Variants in NFU1 observed in about 807,000 individuals in gnomAD.
NFU1 encodes the protein NFU1 iron-sulfur cluster scaffold, also known as NFU1 iron-sulfur cluster scaffold homolog, mitochondrial.
NFU1 carries 30 observed loss-of-function variants against 32.2 expected under a neutral mutation model. The ratio of observed to expected loss-of-function variants is 0.93; its 90% CI spans 0.70 to 1.26. The LOEUF is 1.26. Among genes scored for constraint, NFU1 ranks in the 50% most tolerant of loss-of-function variants. The probability of loss-of-function intolerance (pLI) is 0.00; values close to 1 mark genes in which losing one functional copy is unlikely to be tolerated. For synonymous variants in NFU1, 112 were observed against 104.6 expected (o/e 1.07, Z -0.43); for missense variants, 306 against 306.6 (o/e 1.00, Z 0.02).
chr2:69,429,684 G>A (rs1673575403), intron 2 of NFU1, among the ~76,000 whole-genome samples: 1 of 152,066 alleles, frequency 6.6e-6, no homozygotes, highest in Admixed American at 6.6e-5. Context: ...GAAAATGAAT[G>A]ACATCATCAC....
intron 4 of NFU1, 89 bp from the exon 5 acceptor site, chr2:69,415,388 T>C (rs1673017526): frequency 1.3e-6 from 1 of 748,540 alleles, no homozygotes; most frequent in African/African-American, 1.8e-5. Flanking sequence ...TTTCTTTTTT[T>C]TTTTTGAGAT....
At chr2:69,434,864 G>A (rs532237092) in intron 1 of NFU1, among the ~76,000 whole-genome samples, 81 of 152,310 alleles carry the variant, frequency 5.3e-4, no homozygotes, top group African/African-American at 1.9e-3. Flanking sequence ...AGGATAGACT[G>A]GCAGGCCAGG....
At chr2:69,420,930 A>C (rs1339866316) in intron 3 of NFU1, among the ~76,000 whole-genome samples, 1 of 152,180 alleles carries the variant, frequency 6.6e-6, no homozygotes, top group Non-Finnish European at 1.5e-5. Flanking sequence ...ATATCAAAAA[A>C]GTACGAAAAA....
intron 4 of NFU1, among the ~76,000 whole-genome samples, chr2:69,417,649 T>C (rs537220415): frequency 6.6e-6 from 1 of 152,274 alleles, no homozygotes; most frequent in East Asian, 1.9e-4. Context: ...CAAGATCCCA[T>C]CTATATGTAT....
rs143571647 is a variant in NFU1, at chr2:69,406,287, C to G, written c.485-205G>C. Among the ~76,000 whole-genome samples, 710 of 152,222 alleles carry G rather than the reference C, an allele frequency of 4.7e-3. 2 individuals carry two copies. Among genetic ancestry groups the G allele is most frequent in the African/African-American group, 0.017 (686 of 41,542 alleles). ...TTATCTGAAGAAAAATTAGGGAATA[C>G]CAATCAACTCAACATCTGGTGATAA... On this transcript the variant is annotated intron_variant, in intron 5 of 7. Coordinates refer to ENST00000410022, the MANE Select transcript of NFU1 (RefSeq NM_001002755.4).
At chr2:69,437,622 C>A (rs531177766), upstream of NFU1, 9 of 682,798 alleles carry the variant, frequency 1.3e-5, no homozygotes, top group Admixed American at 2.3e-5. Context: ...GCCGGGGAAC[C>A]TTTCCCGTTT....
At chr2:69,439,152 G>GC (rs1339670813), upstream of NFU1, among the ~76,000 whole-genome samples, 3 of 152,042 alleles carry the variant, frequency 2.0e-5, no homozygotes, top group Non-Finnish European at 2.9e-5. Context: ...TTAGTCTCTA[G>GC]TTTTTCACTT....
In NFU1 at chr2:69,418,252, T is replaced by G. The variant is rs567465868; in HGVS notation, c.369+1286A>C. 9.9e-5 allele frequency among the ~76,000 whole-genome samples: 15 copies of G among 151,916 alleles called. No individual in the cohort carries two copies. In the South Asian group the frequency reaches 3.1e-3, roughly 32 times the overall value. Reference sequence around the variant, plus strand: ...CTATCTCTACAAAAAATACAAAAATTAGTTGGACATGGTGGTATGCACGTA... The same window carrying G: ...CTATCTCTACAAAAAATACAAAAATGAGTTGGACATGGTGGTATGCACGTA... On this transcript the variant is annotated intron_variant, in intron 4 of 7. Transcript: ENST00000410022.
At chr2:69,414,518 T>C (rs1672988300) in intron 5 of NFU1, among the ~76,000 whole-genome samples, 1 of 149,442 alleles carries the variant, frequency 6.7e-6, no homozygotes, top group Non-Finnish European at 1.5e-5. Context: ...CTTGGGAGGC[T>C]GAGGCATGAG....
chr2:69,407,511 T>C (rs1003467664), intron 5 of NFU1, among the ~76,000 whole-genome samples: 4 of 149,846 alleles, frequency 2.7e-5, no homozygotes, highest in African/African-American at 9.8e-5. Flanking sequence ...ACCCTGTCTT[T>C]ACTAAAAATA....
At chr2:69,399,950 G>A (rs113606468) in intron 7 of NFU1, among the ~76,000 whole-genome samples, 43 of 151,522 alleles carry the variant, frequency 2.8e-4, no homozygotes, top group Admixed American at 5.9e-4. Flanking sequence ...TCGGCTCACC[G>A]CAACCTCCGC....
chr2:69,437,765 A>AC (rs1673908531), upstream of NFU1: 1 of 443,286 alleles, frequency 2.3e-6, no homozygotes, highest in South Asian at 2.1e-5. Flanking sequence ...CCTAAACCTG[A>AC]CCCATTCCCT....
At chr2:69,422,092 C>T (rs1239417679) in intron 3 of NFU1, among the ~76,000 whole-genome samples, 1 of 152,064 alleles carries the variant, frequency 6.6e-6, no homozygotes, top group Middle Eastern at 3.4e-3. Context: ...CAGCAATATG[C>T]CAGCATCACT....
At chr2:69,403,165 T>C (rs1190046740) in intron 6 of NFU1, among the ~76,000 whole-genome samples, 1 of 151,864 alleles carries the variant, frequency 6.6e-6, no homozygotes, top group East Asian at 1.9e-4. Flanking sequence ...TTACAGGCAT[T>C]AGCCGCCATG....
At chr2:69,423,495 T>C (rs1407851582) in intron 3 of NFU1, 87 bp downstream of exon 3, 2 of 1,217,242 alleles carry the variant, frequency 1.6e-6, no homozygotes, top group Admixed American at 4.4e-5. Flanking sequence ...CACATAGAAA[T>C]GCAATAGTTA....
At chr2:69,397,055 T>C (rs1460381843) in intron 7 of NFU1, among the ~76,000 whole-genome samples, 4 of 149,140 alleles carry the variant, frequency 2.7e-5, no homozygotes, top group Admixed American at 1.3e-4. Flanking sequence ...AGCTTGGTGA[T>C]AGAGCAAGAC....
At chr2:69,406,322 C>A (rs1444811988) in intron 5 of NFU1, among the ~76,000 whole-genome samples, 1 of 152,120 alleles carries the variant, frequency 6.6e-6, no homozygotes, top group Non-Finnish European at 1.5e-5. Context: ...AAGATGAGTA[C>A]ACTAAAACAT....
intron 6 of NFU1, among the ~76,000 whole-genome samples, 154 bp downstream of exon 6, chr2:69,405,868 T>A (rs538799715): frequency 6.6e-6 from 1 of 152,344 alleles, no homozygotes; most frequent in East Asian, 1.9e-4. Context: ...GATACAGGCT[T>A]TAAATTCAAT....
chr2:69,425,824 T>A (rs773761204), intron 2 of NFU1, among the ~76,000 whole-genome samples: 1 of 152,050 alleles, frequency 6.6e-6, no homozygotes, highest in Non-Finnish European at 1.5e-5. Context: ...AACAACCCTG[T>A]AAAGAAGGAA....
Sources: allele counts gnomAD v4.1 joint callset (sites outside exome capture counted in the v4.1 genomes callset), GRCh38; gene constraint gnomAD v4.1.1; transcripts MANE v1.5; gene names NCBI Gene and HGNC (gene_info 2026-07-23, HGNC 2026-07-21).